The following IFI16 variants were observed in gnomAD, a reference collection of about 807,000 sequenced individuals.
IFI16 encodes interferon gamma inducible protein 16.
A neutral mutation model predicts 68.4 loss-of-function variants in IFI16; 49 were observed. The ratio of observed to expected loss-of-function variants is 0.72; its 90% CI spans 0.57 to 0.91. IFI16 has a LOEUF of 0.91. IFI16 is among the 40% of genes least tolerant of loss of function. IFI16 has a pLI of 0.00. For missense variants in IFI16, 878 were observed against 942.9 expected, an observed-to-expected ratio of 0.93 and a Z score of 0.90; for synonymous variants, 307 against 315.0, an observed-to-expected ratio of 0.97 and a Z score of 0.27.
At chr1:159,047,958 A>G (rs1012857247) in intron 8 of IFI16, among the ~76,000 whole-genome samples, 1 of 146,976 alleles carries the variant, frequency 6.8e-6, no homozygotes, top group African/African-American at 2.5e-5. Flanking sequence ...TCAAACAAAG[A>G]TTATAATTTC....
In IFI16 at chr1:159,053,575, A is replaced by C. The variant is rs774137962; in HGVS notation, c.2128A>C (p.Asn710His). The change falls in exon 11 of 12, where the codon AAT (asparagine) becomes CAT (histidine). Residue 710 changes from asparagine to histidine, a missense_variant. Physicochemically the swap from Asn to His is moderately conservative, Grantham distance 68. This residue lies in a region of IFI16 where 311 missense variants were observed against 305.1 expected (regional missense o/e 1.02). Coordinates refer to ENST00000295809, the MANE Select transcript of IFI16 (RefSeq NM_001376587.1). The part of the protein sequence containing the change: ...GEFTYYEIQD[N>H]TGKMEVVVHG... ...ATTCACTTATTATGAAATACAAGATAATACAGGGAAGATGGAAGTGGTGGT... is the reference window on the plus strand; with the variant it reads ...ATTCACTTATTATGAAATACAAGATCATACAGGGAAGATGGAAGTGGTGGT... 9.9e-6 allele frequency: 16 copies of C among 1,613,118 alleles called. No homozygotes were observed. The highest frequency in any genetic ancestry group is 1.1e-5 in the Non-Finnish European group (13 of 1,179,222).
At chr1:159,020,602 T>C in intron 6 of IFI16, 73 bp downstream of exon 6, 1 of 1,124,514 alleles carries the variant, frequency 8.9e-7, no homozygotes, top group Middle Eastern at 2.8e-4. Flanking sequence ...CAAAAACAAG[T>C]TTGTAGGTTT....
In IFI16 at chr1:159,018,433, A is replaced by G. The variant is rs372267762; in HGVS notation, c.754A>G (p.Lys252Glu). 6.2e-7 allele frequency: 1 copy of G among 1,613,812 alleles called. No individual in the cohort carries two copies. The highest frequency in any genetic ancestry group is 1.1e-5 in the South Asian group (1 of 91,076). ...GGTTTTAAACACCAGCTTGAAGGAG[A>G]AATTCAATGGAAAGAAAATCATCAT... ...VKVLNTSLKE[K>E]FNGKKIIIIS... Residue 252 changes from lysine to glutamate, a missense_variant, in exon 5 of 12, where the codon AAA becomes GAA. Lys to Glu is a moderately conservative substitution (Grantham distance 56). This residue lies in a region of IFI16 where 443 missense variants were observed against 421.8 expected (regional missense o/e 1.05). Transcript: ENST00000295809.
intron 6 of IFI16, 118 bp from the exon 7 acceptor site, chr1:159,032,406 A>G: frequency 1.7e-6 from 1 of 587,818 alleles, no homozygotes; most frequent in Non-Finnish European, 2.8e-6. Context: ...GAGAGAGACC[A>G]TGTTTGGAAG....
Position 159,015,883 on chromosome 1 carries a change from G to A in IFI16, c.277G>A (p.Ala93Thr), listed in dbSNP as rs116270651. ...KKEKLKVKGP[A>T]LSRKRKKEVD... Reference sequence around the variant, plus strand: ...TGAATCTATTCCAGTAAAAGGACCAGCCCTATCAAGAAAGAGGAAGAAGGA... The same window carrying A: ...TGAATCTATTCCAGTAAAAGGACCAACCCTATCAAGAAAGAGGAAGAAGGA... The change falls in exon 3 of 12, where the codon GCC becomes ACC. Residue 93 changes from alanine (A) to threonine (T), a missense_variant. Coordinates refer to ENST00000295809, the MANE Select transcript of IFI16 (RefSeq NM_001376587.1). 10,072 of 1,612,128 alleles carry A rather than the reference G, an allele frequency of 6.2e-3. 39 individuals are homozygous for A. The highest frequency in any genetic ancestry group is 7.3e-3 in the Non-Finnish European group (8,651 of 1,178,152).
intron 9 of IFI16, among the ~76,000 whole-genome samples, chr1:159,049,995 G>A (rs1377986561): frequency 1.3e-5 from 2 of 152,046 alleles, no homozygotes; most frequent in Non-Finnish European, 2.9e-5. Context: ...AGGAAAGGAA[G>A]GTACATAAGC....
intron 6 of IFI16, among the ~76,000 whole-genome samples, chr1:159,030,169 C>A (rs1231203217): frequency 1.2e-5 from 1 of 82,770 alleles, no homozygotes; most frequent in Non-Finnish European, 2.2e-5. Flanking sequence ...TTTATGCTCT[C>A]TATTTTTTTG....
At chr1:159,053,368 G>T (rs1655476673) in intron 10 of IFI16, 165 bp from the exon 11 acceptor site, 2 of 441,344 alleles carry the variant, frequency 4.5e-6, no homozygotes, top group Non-Finnish European at 8.0e-6. Context: ...TGAAAGGCAG[G>T]ATTCAAAGAC....
chr1:159,032,571 G>C lies in IFI16; in HGVS notation c.1209G>C (p.Lys403Asn). 6.2e-7 allele frequency: 1 copy of C among 1,611,224 alleles called. No homozygotes were observed. The highest frequency in any genetic ancestry group is 8.5e-7 in the Non-Finnish European group (1 of 1,178,556). Residue 403 changes from lysine to asparagine, a missense_variant, in exon 7 of 12, where the codon AAG becomes AAC. Around this residue, in one of 4 missense-constraint regions of IFI16, gnomAD observed 443 missense variants for 421.8 expected, o/e 1.05. Transcript: ENST00000295809. ...NPRNNDPKSM[K>N]LPQEQRQLPY... is the part of the protein sequence containing the mutation. The stretch of plus-strand genomic sequence containing the variant: ...GAAACAATGACCCCAAGAGCATGAA[G>C]CTACCCCAGGAACAGCGTCAGCTTC...
intron 8 of IFI16, among the ~76,000 whole-genome samples, chr1:159,048,168 G>T (rs3018316): frequency 0.79 from 119,801 of 150,874 alleles, 49,101 homozygotes; most frequent in Admixed American, 0.9. Flanking sequence ...GCATGAAATA[G>T]CTGTTCATCA....
At chr1:159,010,720 C>G (rs1048831062) in intron 1 of IFI16, among the ~76,000 whole-genome samples, 1 of 152,092 alleles carries the variant, frequency 6.6e-6, no homozygotes, top group African/African-American at 2.4e-5. Flanking sequence ...TATATTGATC[C>G]TTTACTTTAG....
intron 7 of IFI16, among the ~76,000 whole-genome samples, chr1:159,035,061 C>T (rs72709516): frequency 0.032 from 4,889 of 152,292 alleles, 105 homozygotes; most frequent in Non-Finnish European, 0.046. Flanking sequence ...GCTTCTTACC[C>T]AAGCCCCAAG....
At chr1:159,008,047 A>G (rs912400739), upstream of IFI16, among the ~76,000 whole-genome samples, 30 of 152,222 alleles carry the variant, frequency 2.0e-4, no homozygotes, top group African/African-American at 5.8e-4. Context: ...GTGAAGTGAC[A>G]TAAATGTTTC....
At chr1:159,018,079 G>T (rs886267630) in intron 4 of IFI16, 150 bp from the exon 5 acceptor site, 1 of 631,610 alleles carries the variant, frequency 1.6e-6, no homozygotes, top group South Asian at 2.1e-5. Context: ...GATATCTTCT[G>T]CCCTGGCTCG....
chr1:159,014,328 TC>T (rs1173280655), intron 1 of IFI16, among the ~76,000 whole-genome samples: 1 of 152,172 alleles, frequency 6.6e-6, no homozygotes, highest in Non-Finnish European at 1.5e-5. Flanking sequence ...GGAATAGGCT[TC>T]AGCCCCAGTA....
chr1:159,033,523 T>C (rs1401575986), intron 7 of IFI16, among the ~76,000 whole-genome samples: 1 of 152,240 alleles, frequency 6.6e-6, no homozygotes, highest in Non-Finnish European at 1.5e-5. Flanking sequence ...ATGTACGTTA[T>C]CTCATTCTTT....
chr1:159,022,819 A>G (rs1413525115), intron 6 of IFI16, among the ~76,000 whole-genome samples: 1 of 152,198 alleles, frequency 6.6e-6, no homozygotes, highest in Non-Finnish European at 1.5e-5. Flanking sequence ...AGAAGTTACT[A>G]TTTATTTCTA....
chr1:159,043,872 T>C (rs1233954997), intron 7 of IFI16, among the ~76,000 whole-genome samples: 1 of 152,294 alleles, frequency 6.6e-6, no homozygotes, highest in East Asian at 1.9e-4. Context: ...TAAAAGATTA[T>C]ATCTCAAGAC....
At chr1:159,016,101 C>T (rs1359533504) in intron 3 of IFI16, 114 bp downstream of exon 3, 6 of 678,150 alleles carry the variant, frequency 8.8e-6, no homozygotes, top group Non-Finnish European at 1.5e-5. Flanking sequence ...CATCAAGTTT[C>T]AGATTTACCA....
Sources: allele counts gnomAD v4.1 joint callset (sites outside exome capture counted in the v4.1 genomes callset), GRCh38; gene constraint gnomAD v4.1.1; regional missense constraint gnomAD v4.1.1; transcripts MANE v1.5; gene names NCBI Gene and HGNC (gene_info 2026-07-23, HGNC 2026-07-21).